Variants in CFTR observed in about 807,000 individuals in gnomAD.
CFTR encodes the protein CF transmembrane conductance regulator, also known as cystic fibrosis transmembrane conductance regulator.
A neutral mutation model predicts 171.6 loss-of-function variants in CFTR; 181 were observed. That is an observed-to-expected ratio of 1.05 (90% CI 0.93 to 1.19). The LOEUF (loss-of-function observed/expected upper bound fraction) is 1.19, where lower values mean the gene tolerates loss of function less well. Ranked by LOEUF, CFTR falls within the 50% of genes most tolerant of loss-of-function variation. CFTR has a pLI of 0.00. For synonymous variants in CFTR, 583 were observed against 608.0 expected (o/e 0.96, Z 0.60); for missense variants, 1,968 against 1,734.7 (o/e 1.13, Z -2.39).
At chr7:117,533,392 C>A (rs1304611313) in intron 4 of CFTR, among the ~76,000 whole-genome samples, 1 of 152,020 alleles carries the variant, frequency 6.6e-6, no homozygotes, top group Non-Finnish European at 1.5e-5. Flanking sequence ...TTTTAACTAC[C>A]CTATTACTTT....
intron 11 of CFTR, among the ~76,000 whole-genome samples, chr7:117,577,058 A>T (rs763731636): frequency 2.0e-5 from 3 of 152,194 alleles, no homozygotes; most frequent in Non-Finnish European, 4.4e-5. Flanking sequence ...CAGAGAAGTC[A>T]TTGGAGACTT....
intron 18 of CFTR, 51 bp from the exon 19 acceptor site, chr7:117,610,468 T>A: frequency 6.6e-7 from 1 of 1,519,766 alleles, no homozygotes; most frequent in African/African-American, 1.4e-5. Context: ...CTTTGTCCAC[T>A]TTGCAATGTG....
chr7:117,488,100 T>C (rs1216679602), intron 1 of CFTR, among the ~76,000 whole-genome samples: 1 of 152,136 alleles, frequency 6.6e-6, no homozygotes, highest in African/African-American at 2.4e-5. Flanking sequence ...CTATACTTTT[T>C]TGTGTAAAGG....
intron 2 of CFTR, among the ~76,000 whole-genome samples, chr7:117,508,456 A>G (rs1188882377): frequency 6.6e-6 from 1 of 152,196 alleles, no homozygotes; most frequent in Non-Finnish European, 1.5e-5. Context: ...CATTTTTCAA[A>G]GACCTTTAAT....
intron 11 of CFTR, among the ~76,000 whole-genome samples, chr7:117,576,146 C>A (rs1354394752): frequency 2.0e-5 from 3 of 151,884 alleles, no homozygotes; most frequent in Admixed American, 6.6e-5. Flanking sequence ...TTTTAGTAGT[C>A]CCTCCTTCCC....
At chr7:117,656,185 C>T (rs1304269950) in intron 24 of CFTR, among the ~76,000 whole-genome samples, 2 of 152,124 alleles carry the variant, frequency 1.3e-5, no homozygotes, top group Non-Finnish European at 2.9e-5. Flanking sequence ...TATAAATTAT[C>T]ATCTCTCCAC....
chr7:117,515,395 T>C (rs926301679), intron 3 of CFTR, among the ~76,000 whole-genome samples: 1 of 152,188 alleles, frequency 6.6e-6, no homozygotes, highest in African/African-American at 2.4e-5. Flanking sequence ...CCACCACCAT[T>C]TACTGAATAG....
At chr7:117,568,953 A>G (rs1278368743) in intron 11 of CFTR, among the ~76,000 whole-genome samples, 1 of 152,190 alleles carries the variant, frequency 6.6e-6, no homozygotes, top group Non-Finnish European at 1.5e-5. Context: ...GGTGGATAGT[A>G]GTACTATCTG....
intron 13 of CFTR, among the ~76,000 whole-genome samples, chr7:117,591,627 A>G (rs1340154995): frequency 6.6e-6 from 1 of 152,122 alleles, no homozygotes; most frequent in Non-Finnish European, 1.5e-5. Context: ...TTTCTAGATA[A>G]ATAAACTGAG....
At chr7:117,659,174 T>C (rs749225525) in intron 24 of CFTR, among the ~76,000 whole-genome samples, 3 of 152,000 alleles carry the variant, frequency 2.0e-5, no homozygotes, top group Admixed American at 1.3e-4. Flanking sequence ...ACTGCCTCCT[T>C]CTACCATCTT....
chr7:117,587,765 C>T lies in CFTR; in HGVS notation c.1611C>T (p.Asp537=), dbSNP rs397508240. The T allele has an allele frequency of 6.2e-7, 1 of 1,610,906 alleles. No homozygotes were observed. The highest frequency in any genetic ancestry group is 8.5e-7 in the Non-Finnish European group (1 of 1,177,338). The change falls in exon 12 of 27, where the codon GAC becomes GAT. Residue 537 remains aspartate, a synonymous_variant. Coordinates refer to ENST00000003084, the MANE Select transcript of CFTR (RefSeq NM_000492.4). ...ACATCTCCAAGTTTGCAGAGAAAGACAATATAGTTCTTGGAGAAGGTGGAA... is the reference window on the plus strand; with the variant it reads ...ACATCTCCAAGTTTGCAGAGAAAGATAATATAGTTCTTGGAGAAGGTGGAA... ...EEDISKFAEK[D]NIVLGEGGIT... is the part of the protein sequence containing the mutation.
chr7:117,656,082 A>T (rs1793178228), intron 24 of CFTR, among the ~76,000 whole-genome samples: 1 of 152,164 alleles, frequency 6.6e-6, no homozygotes, highest in Non-Finnish European at 1.5e-5. Flanking sequence ...CCCTATAGGT[A>T]GCACTACTTT....
intron 18 of CFTR, among the ~76,000 whole-genome samples, chr7:117,608,613 T>G (rs1792337140): frequency 6.6e-6 from 1 of 152,212 alleles, no homozygotes; most frequent in South Asian, 2.1e-4. Context: ...TAAGAGAGTC[T>G]CATATTAAGG....
rs193922732 is a variant in CFTR, at chr7:117,652,893, C to G, written c.3925C>G (p.Gln1309Glu). Residue 1309 changes from glutamine (Q) to glutamate (E), a missense_variant, in exon 24 of 27, where the codon CAG becomes GAG. Physicochemically the swap from Gln to Glu is conservative, Grantham distance 29 (BLOSUM62 2). Transcript: ENST00000003084. ...TAGAAAAAACTTGGATCCCTATGAA[C>G]AGTGGAGTGATCAAGAAATATGGAA... is the stretch of plus-strand genomic sequence containing the variant. Reference protein sequence around the residue: ...TFRKNLDPYEQWSDQEIWKVA... With the variant: ...TFRKNLDPYEEWSDQEIWKVA... The G allele has an allele frequency of 1.1e-5, 17 of 1,605,662 alleles. No individual in the cohort carries two copies. In the South Asian group the frequency reaches 1.8e-4, roughly 17 times the overall value.
At chr7:117,654,182 T>C (rs1401797462) in intron 24 of CFTR, among the ~76,000 whole-genome samples, 5 of 152,174 alleles carry the variant, frequency 3.3e-5, no homozygotes, top group African/African-American at 1.2e-4. Flanking sequence ...ATTGCATGCC[T>C]GGTGGTTCTA....
At chr7:117,566,505 A>G (rs1276665520) in intron 11 of CFTR, among the ~76,000 whole-genome samples, 1 of 152,016 alleles carries the variant, frequency 6.6e-6, no homozygotes, top group Non-Finnish European at 1.5e-5. Flanking sequence ...ACATCACTAA[A>G]TGACTGTACC....
chr7:117,504,003 A>T (rs370692424), intron 1 of CFTR, among the ~76,000 whole-genome samples: 2 of 152,308 alleles, frequency 1.3e-5, no homozygotes, highest in East Asian at 3.9e-4. Context: ...TCCCTGGGAA[A>T]AACCATACTA....
At chr7:117,579,037 A>G (rs1032734187) in intron 11 of CFTR, among the ~76,000 whole-genome samples, 1 of 152,068 alleles carries the variant, frequency 6.6e-6, no homozygotes, top group Admixed American at 6.6e-5. Flanking sequence ...AGATAAATAT[A>G]GAAAATGTAG....
chr7:117,490,989 G>A (rs993578923), intron 1 of CFTR, among the ~76,000 whole-genome samples: 1 of 152,042 alleles, frequency 6.6e-6, no homozygotes, highest in East Asian at 1.9e-4. Context: ...ATGGGAATGC[G>A]TTCTGGGTAA....
Sources: allele counts gnomAD v4.1 joint callset (sites outside exome capture counted in the v4.1 genomes callset), GRCh38; gene constraint gnomAD v4.1.1; transcripts MANE v1.5; gene names NCBI Gene and HGNC (gene_info 2026-07-23, HGNC 2026-07-21).